Variants in GLRA3 observed in about 807,000 individuals in gnomAD.
The protein encoded by GLRA3 is glycine receptor alpha 3.
Under a neutral mutation model 60.4 loss-of-function variants are expected in GLRA3, and 44 were observed. The ratio of observed to expected loss-of-function variants is 0.73; its 90% CI spans 0.57 to 0.94. GLRA3 has a LOEUF of 0.94. Among genes scored for constraint, GLRA3 ranks in the 40% least tolerant of loss-of-function variants. The pLI is 0.00. For synonymous variants in GLRA3, 223 were observed against 192.9 expected, an observed-to-expected ratio of 1.16 and a Z score of -1.29; for missense variants, 508 against 564.6, an observed-to-expected ratio of 0.90 and a Z score of 1.02.
chr4:174,683,945 G>C (rs1021539421), intron 5 of GLRA3, among the ~76,000 whole-genome samples: 1 of 152,122 alleles, frequency 6.6e-6, no homozygotes, highest in Non-Finnish European at 1.5e-5. Flanking sequence ...AATTCAAAGA[G>C]AGGGTAGCAT....
In GLRA3 at chr4:174,728,664, CATT is replaced by C; in HGVS notation, c.299_301del (p.Lys100_Trp101delinsArg). On this transcript the variant is annotated inframe_deletion, in exon 4 of 10. Coordinates refer to ENST00000274093, the MANE Select transcript of GLRA3 (RefSeq NM_006529.4). ...ACTGTACGCGAGGCGGGGATCATTC[CATT>C]TCTGACGAAGAAAGATATTCACTCT... The C allele has an allele frequency of 6.2e-7, 1 of 1,606,090 alleles. No individual in the cohort carries two copies. The highest frequency in any genetic ancestry group is 8.5e-7 in the Non-Finnish European group (1 of 1,173,492).
rs897620249 is a variant in GLRA3 at position 174,686,448 on chromosome 4, C to T, written c.575-3509G>A. Among the ~76,000 whole-genome samples the T allele has an allele frequency of 2.0e-5, 3 of 152,230 alleles. No individual in the cohort carries two copies. In the East Asian group the frequency reaches 5.8e-4, roughly 29 times the overall value. On this transcript the variant is annotated intron_variant, in intron 5 of 9. Transcript: ENST00000274093. ...TTTATTCAGGGAACAGACATTAACC[C>T]TAACTTCAGTCAACAATCTCATATG...
intron 2 of GLRA3, among the ~76,000 whole-genome samples, chr4:174,776,193 C>T (rs1289501807): frequency 6.6e-6 from 1 of 152,186 alleles, no homozygotes; most frequent in Non-Finnish European, 1.5e-5. Flanking sequence ...ATACCTCAAA[C>T]CTTAAGCCTG....
Position 174,681,258 on chromosome 4 carries a change from G to A in GLRA3, c.712+1544C>T, listed in dbSNP as rs116273475. On this transcript the variant is annotated intron_variant, in intron 6 of 9. Transcript: ENST00000274093. The stretch of plus-strand genomic sequence containing the variant: ...TTACTTTACACTAAGGAAGTGTCTT[G>A]AGACCCTCTATCATAAAAATTCATC... Among the ~76,000 whole-genome samples the A allele has an allele frequency of 7.2e-3, 1,092 of 152,202 alleles. 13 individuals carry two copies. The highest frequency in any genetic ancestry group is 0.025 in the African/African-American group (1,041 of 41,538).
intron 2 of GLRA3, among the ~76,000 whole-genome samples, chr4:174,785,096 C>G (rs1739069979): frequency 6.6e-6 from 1 of 152,022 alleles, no homozygotes; most frequent in African/African-American, 2.4e-5. Flanking sequence ...TTTATTTATA[C>G]TTTTCTGTGG....
At chr4:174,772,805 C>T (rs1214233208) in intron 2 of GLRA3, among the ~76,000 whole-genome samples, 1 of 151,950 alleles carries the variant, frequency 6.6e-6, no homozygotes, top group African/African-American at 2.4e-5. Context: ...AGCATAGAGA[C>T]AGAAAAAACA....
chr4:174,750,880 C>T (rs1737446313), intron 3 of GLRA3, among the ~76,000 whole-genome samples: 3 of 152,086 alleles, frequency 2.0e-5, no homozygotes, highest in African/African-American at 7.2e-5. Flanking sequence ...CAGGACATCT[C>T]TAGGCTGGAA....
At chr4:174,782,959 A>G (rs1473515653) in intron 2 of GLRA3, among the ~76,000 whole-genome samples, 1 of 152,156 alleles carries the variant, frequency 6.6e-6, no homozygotes, top group Non-Finnish European at 1.5e-5. Context: ...ACAGAATTGG[A>G]AAAAACTACT....
chr4:174,788,892 C>T lies in GLRA3; in HGVS notation c.123G>A (p.Met41Ile). The part of the protein sequence containing the change: ...TDSARSRSAP[M>I]SPSDFLDKLM... The stretch of plus-strand genomic sequence containing the variant: ...ATTTATCCAGAAAATCAGAAGGTGA[C>T]ATTGGAGCACTTCGAGATCTTGCAC... Residue 41 changes from methionine to isoleucine, a missense_variant, in exon 2 of 10, where the codon ATG (methionine) becomes ATA (isoleucine). Around this residue, in one of 3 missense-constraint regions of GLRA3, gnomAD observed 329 missense variants for 349.3 expected, o/e 0.94. Coordinates refer to ENST00000274093, the MANE Select transcript of GLRA3 (RefSeq NM_006529.4). 6.2e-7 allele frequency: 1 copy of T among 1,608,576 alleles called. No individual in the cohort carries two copies. The highest frequency in any genetic ancestry group is 8.5e-7 in the Non-Finnish European group (1 of 1,175,980).
intron 3 of GLRA3, among the ~76,000 whole-genome samples, chr4:174,735,159 A>AT (rs1421325563): frequency 7.0e-6 from 1 of 141,956 alleles, no homozygotes; most frequent in Non-Finnish European, 1.6e-5. Context: ...TGTATGACTA[A>AT]TTTTCAGCCT....
chr4:174,661,989 C>T (rs1421188461), intron 7 of GLRA3, among the ~76,000 whole-genome samples: 2 of 152,164 alleles, frequency 1.3e-5, no homozygotes, highest in Non-Finnish European at 2.9e-5. Context: ...CAACTGTTTT[C>T]ATACTCAGTT....
At chr4:174,699,852 AT>A (rs1268677932) in intron 5 of GLRA3, among the ~76,000 whole-genome samples, 1 of 150,970 alleles carries the variant, frequency 6.6e-6, no homozygotes, top group African/African-American at 2.4e-5. Context: ...TTAATAATTA[AT>A]GCATTAATTA....
chr4:174,676,125 T>C (rs1025357411), intron 7 of GLRA3, among the ~76,000 whole-genome samples: 1 of 152,208 alleles, frequency 6.6e-6, no homozygotes. Context: ...AATAATTTTC[T>C]ATTTCTATGC....
chr4:174,786,204 A>G, intron 2 of GLRA3, among the ~76,000 whole-genome samples: 1 of 152,104 alleles, frequency 6.6e-6, no homozygotes, highest in South Asian at 2.1e-4. Flanking sequence ...ACCAATTTTA[A>G]ATTAGTTCAT....
chr4:174,821,369 A>G (rs1740733494), intron 1 of GLRA3, among the ~76,000 whole-genome samples: 4 of 152,176 alleles, frequency 2.6e-5, no homozygotes, highest in South Asian at 2.1e-4. Flanking sequence ...CAAAATAAAT[A>G]AATACTTTTT....
At chr4:174,681,240 A>C (rs1446968057) in intron 6 of GLRA3, among the ~76,000 whole-genome samples, 1 of 152,206 alleles carries the variant, frequency 6.6e-6, no homozygotes, top group Non-Finnish European at 1.5e-5. Flanking sequence ...AACTTACTTT[A>C]CACTAAGGAA....
chr4:174,673,507 G>A lies in GLRA3; in HGVS notation c.927+3571C>T, dbSNP rs533661005. On this transcript the variant is annotated intron_variant, in intron 7 of 9. Transcript: ENST00000274093. ...AAGAGTTTGGGAGTAAAGTTTTGGG[G>A]TGAGTGGGTCTTGCCTTTAACCAAA... Among the ~76,000 whole-genome samples the A allele has an allele frequency of 2.0e-4, 30 of 152,272 alleles. No homozygotes were observed. In the South Asian group the frequency reaches 6.0e-3, roughly 31 times the overall value.
chr4:174,795,146 T>G (rs147397760), intron 1 of GLRA3, among the ~76,000 whole-genome samples: 51 of 151,984 alleles, frequency 3.4e-4, no homozygotes, highest in African/African-American at 1.1e-3. Flanking sequence ...TTTATGCAAT[T>G]AATAATTAAA....
intron 2 of GLRA3, among the ~76,000 whole-genome samples, chr4:174,776,928 A>T (rs1378307368): frequency 6.6e-6 from 1 of 152,208 alleles, no homozygotes; most frequent in Admixed American, 6.5e-5. Flanking sequence ...CTCCCTAAAC[A>T]TTCACAAATT....
Sources: gnomAD v4.1 joint callset for allele counts (sites outside exome capture counted in the v4.1 genomes callset) on GRCh38, gnomAD v4.1.1 for gene constraint, gnomAD v4.1.1 regional missense constraint, MANE v1.5 for transcripts, NCBI Gene and HGNC (gene_info 2026-07-23, HGNC 2026-07-21) for gene names.